The following ZCCHC24 variants were observed in gnomAD, a reference collection of about 807,000 sequenced individuals.
The protein encoded by ZCCHC24 is zinc finger CCHC domain-containing protein 24.
In ZCCHC24, 10 loss-of-function variants were observed where a neutral mutation model predicts 26.2. The observed-to-expected ratio is 0.38, with a 90% confidence interval of 0.24 to 0.65. ZCCHC24 has a LOEUF of 0.65. Among genes scored for constraint, ZCCHC24 ranks in the 30% least tolerant of loss-of-function variants. The pLI is 0.54. For synonymous variants in ZCCHC24, 144 were observed against 147.1 expected (o/e 0.98, Z 0.15); for missense variants, 243 against 329.1 (o/e 0.74, Z 2.03).
In ZCCHC24 at chr10:79,394,285, T is replaced by A. The variant is rs548888406; in HGVS notation, c.603A>T (p.Pro201=). The change falls in exon 3 of 4, where the codon CCA becomes CCT. Residue 201 remains proline, a synonymous_variant. Coordinates refer to ENST00000372336, the MANE Select transcript of ZCCHC24 (RefSeq NM_153367.4). ...AGCCTGCCCGGCTCACCTGCTTGTGTGGATACACGTTGATGTGGCACTTGA... is the reference window on the plus strand; with the variant it reads ...AGCCTGCCCGGCTCACCTGCTTGTGAGGATACACGTTGATGTGGCACTTGA... The part of the protein sequence containing the change: ...ECIKCHINVY[P]HKQRPLEKPD... 6 of 1,613,878 alleles carry A rather than the reference T, an allele frequency of 3.7e-6. No individual in the cohort carries two copies. The South Asian group carries it at 4.4e-5, about 12-fold the overall frequency.
At position 79,436,466 on chromosome 10, in the gene ZCCHC24, A is replaced by T. The variant is rs1288412933; in HGVS notation, c.247-3708T>A. 6.6e-5 allele frequency among the ~76,000 whole-genome samples: 10 copies of T among 152,100 alleles called. No individual in the cohort carries two copies. The East Asian group carries it at 1.9e-3, about 29-fold the overall frequency. On this transcript the variant is annotated intron_variant, in intron 1 of 3. Transcript: ENST00000372336. ...ACCAGAGGCCTTGCTGACCTCTCCCACCCCAGCGTAGCCCAGTCAGCACTG... is the reference window on the plus strand; with the variant it reads ...ACCAGAGGCCTTGCTGACCTCTCCCTCCCCAGCGTAGCCCAGTCAGCACTG...
chr10:79,401,457 G>A (rs1856631300), intron 2 of ZCCHC24, among the ~76,000 whole-genome samples: 1 of 152,242 alleles, frequency 6.6e-6, no homozygotes, highest in Non-Finnish European at 1.5e-5. Context: ...AAGCTACGCT[G>A]CCAGGAAATG....
intron 2 of ZCCHC24, among the ~76,000 whole-genome samples, chr10:79,411,656 G>A (rs1856794074): frequency 6.6e-6 from 1 of 152,184 alleles, no homozygotes; most frequent in African/African-American, 2.4e-5. Context: ...CAGAGGAGGA[G>A]GCCAAGGCCA....
intron 2 of ZCCHC24, among the ~76,000 whole-genome samples, chr10:79,403,098 C>T (rs559770345): frequency 2.2e-4 from 33 of 152,342 alleles, no homozygotes; most frequent in South Asian, 4.1e-4. Flanking sequence ...CCACACCAGT[C>T]GCGAACTCCC....
chr10:79,421,685 G>A (rs1384284341), intron 2 of ZCCHC24, among the ~76,000 whole-genome samples: 1 of 152,098 alleles, frequency 6.6e-6, no homozygotes, highest in Non-Finnish European at 1.5e-5. Flanking sequence ...GGAGTGCAGT[G>A]GTGCGATCTC....
chr10:79,390,464 C>T (rs1856465079), intron 3 of ZCCHC24, among the ~76,000 whole-genome samples: 1 of 152,090 alleles, frequency 6.6e-6, no homozygotes, highest in Non-Finnish European at 1.5e-5. Flanking sequence ...GGGGAAACAG[C>T]GAAGTCCCGG....
At chr10:79,407,182 C>T (rs947677562) in intron 2 of ZCCHC24, among the ~76,000 whole-genome samples, 9 of 152,214 alleles carry the variant, frequency 5.9e-5, no homozygotes, top group African/African-American at 1.2e-4. Flanking sequence ...TCTGAGACAG[C>T]GCCTTTAAAG....
chr10:79,396,728 C>T (rs1313224920), intron 2 of ZCCHC24, among the ~76,000 whole-genome samples: 1 of 152,180 alleles, frequency 6.6e-6, no homozygotes. Flanking sequence ...TAAAGAAGTG[C>T]TGGGCTATGA....
At chr10:79,389,076 G>C (rs1253250294) in intron 3 of ZCCHC24, among the ~76,000 whole-genome samples, 1 of 152,200 alleles carries the variant, frequency 6.6e-6, no homozygotes, top group Admixed American at 6.5e-5. Context: ...CTCCCTCCCA[G>C]CCCGTCTGAG....
Position 79,386,050 on chromosome 10 carries a change from C to A in ZCCHC24, c.*295G>T. ...CTCAGAGGCGAGCCTGTGGGGACAC[C>A]CAGGGCTCCTGGACATGGGCTTTTG... On this transcript the variant is annotated 3_prime_UTR_variant, in exon 4 of 4. Coordinates refer to ENST00000372336, the MANE Select transcript of ZCCHC24 (RefSeq NM_153367.4). 1 of 539,256 alleles carries A rather than the reference C, an allele frequency of 1.9e-6. No homozygotes were observed. Among genetic ancestry groups the A allele is most frequent in the East Asian group, 2.8e-5 (1 of 35,576 alleles). The allele number at this position is 539,256 out of a possible 1,614,324, so 33.4% of individuals were successfully genotyped here. A position where few individuals can be genotyped will look rare whatever the true frequency, so the allele number is the denominator to read the frequency against.
intron 2 of ZCCHC24, among the ~76,000 whole-genome samples, chr10:79,408,505 G>A (rs185789892): frequency 4.6e-5 from 7 of 152,250 alleles, no homozygotes; most frequent in African/African-American, 1.4e-4. Flanking sequence ...ATGTGCCCTC[G>A]ACAACTATGA....
At chr10:79,444,088 C>T (rs1403274677) in intron 1 of ZCCHC24, 1 of 1,543,814 alleles carries the variant, frequency 6.5e-7, no homozygotes, top group Middle Eastern at 1.7e-4. Flanking sequence ...GACTCTGACT[C>T]TCCTAAAACT....
Position 79,386,103 on chromosome 10 carries a change from C to G in ZCCHC24, c.*242G>C. On this transcript the variant is annotated 3_prime_UTR_variant, in exon 4 of 4. Coordinates refer to ENST00000372336, the MANE Select transcript of ZCCHC24 (RefSeq NM_153367.4). ...TGCCTTTGTCCCCTCCACTGAGACC[C>G]CAGGCCCGCCTGCAAAAAGCCCCAG... The G allele has an allele frequency of 1.7e-6, 1 of 593,224 alleles. No individual in the cohort carries two copies. Among genetic ancestry groups the G allele is most frequent in the Non-Finnish European group, 3.1e-6 (1 of 324,428 alleles). 36.7% of individuals were successfully genotyped at this position (593,224 alleles called of 1,614,324 possible).
intron 2 of ZCCHC24, among the ~76,000 whole-genome samples, chr10:79,424,935 C>G (rs1454518829): frequency 2.0e-5 from 3 of 152,222 alleles, no homozygotes; most frequent in Admixed American, 2.0e-4. Flanking sequence ...CACCACAGCC[C>G]TGGTCCCCCA....
Position 79,445,575 on chromosome 10 carries a change from C to T in ZCCHC24, c.-135G>A. On this transcript the variant is annotated 5_prime_UTR_variant, in exon 1 of 4. Coordinates refer to ENST00000372336, the MANE Select transcript of ZCCHC24 (RefSeq NM_153367.4). Reference sequence around the variant, plus strand: ...GACGGTGATCGCCCCGCGCCCTGCGCCCCGCGCGCTGCCCGCAGCCGCTGC... The same window carrying T: ...GACGGTGATCGCCCCGCGCCCTGCGTCCCGCGCGCTGCCCGCAGCCGCTGC... The T allele has an allele frequency of 3.8e-6, 3 of 783,180 alleles. No individual in the cohort carries two copies. The highest frequency in any genetic ancestry group is 4.8e-6 in the Non-Finnish European group (3 of 627,578). 48.5% of individuals were successfully genotyped at this position (783,180 alleles called of 1,614,324 possible).
intron 1 of ZCCHC24, among the ~76,000 whole-genome samples, chr10:79,437,354 G>A (rs549276920): frequency 9.2e-5 from 14 of 152,306 alleles, no homozygotes; most frequent in Non-Finnish European, 1.6e-4. Flanking sequence ...TGCTCGGCCT[G>A]TGGTTTACTC....
chr10:79,428,956 T>G (rs1191201503), intron 2 of ZCCHC24, among the ~76,000 whole-genome samples: 1 of 152,054 alleles, frequency 6.6e-6, no homozygotes, highest in Non-Finnish European at 1.5e-5. Flanking sequence ...CAGAATACTC[T>G]ATAATGAGTA....
chr10:79,412,362 G>A lies in ZCCHC24; in HGVS notation c.448-17922C>T, dbSNP rs1300269114. ...CAGCGGCATGAGCCTCTGTGCGAGTGTGCACAGGTGCATCGGTGAGGGGCG... is the reference window on the plus strand; with the variant it reads ...CAGCGGCATGAGCCTCTGTGCGAGTATGCACAGGTGCATCGGTGAGGGGCG... On this transcript the variant is annotated intron_variant, in intron 2 of 3. Coordinates refer to ENST00000372336, the MANE Select transcript of ZCCHC24 (RefSeq NM_153367.4). Among the ~76,000 whole-genome samples, 5 of 152,240 alleles carry A rather than the reference G, an allele frequency of 3.3e-5. No individual in the cohort carries two copies. In the East Asian group the frequency reaches 7.7e-4, roughly 24 times the overall value.
chr10:79,443,938 G>C (rs1857322171), intron 1 of ZCCHC24, among the ~76,000 whole-genome samples: 1 of 152,206 alleles, frequency 6.6e-6, no homozygotes, highest in Admixed American at 6.5e-5. Context: ...GGGTAGTGTT[G>C]GCCTTGGGCC....
Sources: gnomAD v4.1 joint callset for allele counts (sites outside exome capture counted in the v4.1 genomes callset) on GRCh38, gnomAD v4.1.1 for gene constraint, MANE v1.5 for transcripts, NCBI Gene and HGNC (gene_info 2026-07-23, HGNC 2026-07-21) for gene names.